Variants in DOCK9 observed in about 807,000 individuals in gnomAD.
The protein encoded by DOCK9 is dedicator of cytokinesis protein 9.
Under a neutral mutation model 263.3 loss-of-function variants are expected in DOCK9, and 89 were observed. The observed-to-expected ratio is 0.34, with a 90% CI of 0.28 to 0.40. The LOEUF is 0.40. Among genes scored for constraint, DOCK9 ranks in the 10% least tolerant of loss-of-function variants. DOCK9 has a pLI of 1.00. For missense variants in DOCK9, 2,140 were observed against 2,603.4 expected (o/e 0.82, Z 3.87); for synonymous variants, 976 against 973.1 (o/e 1.00, Z -0.06).
chr13:99,007,217 G>C (rs1595889320), intron 1 of DOCK9, among the ~76,000 whole-genome samples: 1 of 151,702 alleles, frequency 6.6e-6, no homozygotes, highest in Non-Finnish European at 1.5e-5. Context: ...GTGAAACCCT[G>C]TCTCTACTAA....
In DOCK9 at chr13:98,798,167, T is replaced by G. The variant is rs538201376; in HGVS notation, c.5917-678A>C. ...GTAAGAACGTGGTGAGAAAGAAGGC[T>G]GGACACACTGGGATGGGAAGAAGAA... On this transcript the variant is annotated intron_variant, in intron 50 of 52. Transcript: ENST00000682017. Among the ~76,000 whole-genome samples, 6 of 152,316 alleles carry G rather than the reference T, an allele frequency of 3.9e-5. No individual in the cohort carries two copies. The East Asian group carries it at 1.2e-3, about 29-fold the overall frequency.
intron 43 of DOCK9, among the ~76,000 whole-genome samples, chr13:98,828,064 C>T (rs1168583524): frequency 6.6e-6 from 1 of 152,172 alleles, no homozygotes; most frequent in Non-Finnish European, 1.5e-5. Flanking sequence ...TGCTATGCGA[C>T]CACGGAGGCA....
At chr13:98,984,540 A>C (rs1440007175) in intron 1 of DOCK9, among the ~76,000 whole-genome samples, 1 of 152,250 alleles carries the variant, frequency 6.6e-6, no homozygotes, top group Non-Finnish European at 1.5e-5. Context: ...AACAGAATGT[A>C]ACTACTGATT....
chr13:99,076,316 G>C (rs1233489504), intron 1 of DOCK9, among the ~76,000 whole-genome samples: 1 of 152,118 alleles, frequency 6.6e-6, no homozygotes, highest in Non-Finnish European at 1.5e-5. Flanking sequence ...TTTAACACAA[G>C]AGTTAGATCA....
At chr13:98,983,634 TG>T (rs1877772556) in intron 1 of DOCK9, among the ~76,000 whole-genome samples, 1 of 151,574 alleles carries the variant, frequency 6.6e-6, no homozygotes. Context: ...TTTTTTTTTT[TG>T]AGATGGAGTC....
intron 49 of DOCK9, among the ~76,000 whole-genome samples, chr13:98,803,940 T>A (rs79810972): frequency 0.049 from 449 of 9,180 alleles, 2 homozygotes; most frequent in Middle Eastern, 0.38. Context: ...AAACCTGTAT[T>A]TTTTTTTTTT....
At chr13:99,017,780 A>G (rs1339712794) in intron 1 of DOCK9, among the ~76,000 whole-genome samples, 1 of 152,250 alleles carries the variant, frequency 6.6e-6, no homozygotes, top group Non-Finnish European at 1.5e-5. Context: ...ATGTTTTAAG[A>G]AAGTTTACGA....
intron 1 of DOCK9, among the ~76,000 whole-genome samples, chr13:99,080,299 G>C (rs567292204): frequency 2.6e-5 from 4 of 151,912 alleles, no homozygotes; most frequent in African/African-American, 9.7e-5. Flanking sequence ...TCCCTTCCAC[G>C]TCACACCTCC....
chr13:98,991,316 T>C (rs1478896589), intron 1 of DOCK9, among the ~76,000 whole-genome samples: 1 of 152,102 alleles, frequency 6.6e-6, no homozygotes, highest in Non-Finnish European at 1.5e-5. Context: ...GTGATGCTCC[T>C]GCCTCGGCCT....
chr13:98,943,542 T>C (rs1349466918), intron 2 of DOCK9, among the ~76,000 whole-genome samples: 3 of 147,052 alleles, frequency 2.0e-5, no homozygotes, highest in Admixed American at 1.4e-4. Context: ...TGTTCGTTTT[T>C]GCATGCAAAT....
intron 30 of DOCK9, chr13:98,867,093 G>T: frequency 2.2e-6 from 1 of 456,674 alleles, no homozygotes; most frequent in Non-Finnish European, 4.3e-6. Context: ...CTCCACAGTT[G>T]GTGAAAGAAA....
At chr13:98,976,723 A>G (rs2060312910) in intron 1 of DOCK9, among the ~76,000 whole-genome samples, 1 of 152,246 alleles carries the variant, frequency 6.6e-6, no homozygotes, top group South Asian at 2.1e-4. Flanking sequence ...GAAAAAGACC[A>G]TGATATTTTA....
At chr13:98,902,194 T>C (rs1474258061) in intron 12 of DOCK9, 94 bp downstream of exon 12, 2 of 1,322,004 alleles carry the variant, frequency 1.5e-6, no homozygotes, top group East Asian at 2.5e-5. Context: ...ACCCCACTTG[T>C]GCATTACAAG....
chr13:98,796,910 T>G (rs181676587), intron 52 of DOCK9, among the ~76,000 whole-genome samples: 2 of 152,172 alleles, frequency 1.3e-5, no homozygotes, highest in Admixed American at 6.5e-5. Flanking sequence ...CGCTCTCCCC[T>G]GCTTGCCGTA....
At chr13:99,039,602 T>C (rs975164315) in intron 1 of DOCK9, among the ~76,000 whole-genome samples, 8 of 152,224 alleles carry the variant, frequency 5.3e-5, no homozygotes, top group Non-Finnish European at 1.5e-5. Flanking sequence ...ACAAGCACTA[T>C]GCTAGGTGGT....
intron 1 of DOCK9, among the ~76,000 whole-genome samples, chr13:98,975,831 T>C (rs566339457): frequency 1.5e-4 from 23 of 152,340 alleles, no homozygotes; most frequent in African/African-American, 5.1e-4. Context: ...TAGACAGTCT[T>C]GGGGATTCTT....
At chr13:98,892,523 G>A (rs565501171) in intron 15 of DOCK9, among the ~76,000 whole-genome samples, 6 of 152,026 alleles carry the variant, frequency 3.9e-5, no homozygotes, top group African/African-American at 1.5e-4. Context: ...ATATATGATT[G>A]AAAGAAATTT....
At chr13:98,875,612 T>C (rs1309678996) in intron 27 of DOCK9, among the ~76,000 whole-genome samples, 5 of 152,182 alleles carry the variant, frequency 3.3e-5, no homozygotes, top group African/African-American at 1.2e-4. Context: ...CTGCTAAATA[T>C]ACATGGTGGA....
intron 27 of DOCK9, among the ~76,000 whole-genome samples, chr13:98,878,811 C>T (rs1427645059): frequency 2.0e-5 from 3 of 152,206 alleles, no homozygotes; most frequent in Admixed American, 2.0e-4. Flanking sequence ...TAGGCCTGAA[C>T]CATCAACCTT....
Sources: gnomAD v4.1 joint callset for allele counts (sites outside exome capture counted in the v4.1 genomes callset) on GRCh38, gnomAD v4.1.1 for gene constraint, MANE v1.5 for transcripts, NCBI Gene and HGNC (gene_info 2026-07-23, HGNC 2026-07-21) for gene names.